PKD1: variants seen among roughly 807,000 people sequenced by gnomAD.
PKD1 encodes polycystin 1, transient receptor potential channel interacting, also known as polycystin-1.
A neutral mutation model predicts 361.7 loss-of-function variants in PKD1; 81 were observed. The ratio of observed to expected loss-of-function variants is 0.22; its 90% CI spans 0.19 to 0.27. The LOEUF is 0.27. Ranked by LOEUF, PKD1 falls within the 10% of genes least tolerant of loss-of-function variation. The probability of loss-of-function intolerance (pLI) is 1.00; values close to 1 mark genes in which losing one functional copy is unlikely to be tolerated. For missense variants in PKD1, 6,399 were observed against 6,118.3 expected (o/e 1.05, Z -1.53); for synonymous variants, 3,615 against 2,818.3 (o/e 1.28, Z -8.95).
intron 16 of PKD1, chr16:2,107,613 G>A (rs1186149999): frequency 3.6e-6 from 2 of 551,180 alleles, no homozygotes; most frequent in Non-Finnish European, 6.6e-6. Context: ...CCTCTGGGGT[G>A]GGAAGGGGCT....
At chr16:2,105,184 G>C in intron 21 of PKD1, 138 bp downstream of exon 21, 1 of 847,140 alleles carries the variant, frequency 1.2e-6, no homozygotes, top group Non-Finnish European at 1.9e-6. Context: ...GCAGGTCAGA[G>C]ACCGAGGAAC....
Position 2,114,729 on chromosome 16 carries a change from G to T in PKD1, c.2294C>A (p.Pro765His), listed in dbSNP as rs1296480104. ...PAQLEGTWAC[P>H]ACALRLLAAT... ...TGCAAGCAGCCGCAGGGCACAGGCA[G>T]GGCAGGCCCAAGTGCCCTCCAGCTG... Residue 765 changes from proline (P) to histidine (H), a missense_variant, in exon 11 of 46, where the codon CCT (proline) becomes CAT (histidine). By Grantham distance (77) the Pro-to-His change is moderately conservative. Coordinates refer to ENST00000262304, the MANE Select transcript of PKD1 (RefSeq NM_001009944.3). 4 of 1,529,982 alleles carry T rather than the reference G, an allele frequency of 2.6e-6. No individual in the cohort carries two copies. Among genetic ancestry groups the T allele is most frequent in the Non-Finnish European group, 3.5e-6 (4 of 1,143,494 alleles). The allele number at this position is 1,529,982 out of a possible 1,614,324, so 94.8% of individuals were successfully genotyped here. A position where few individuals can be genotyped will look rare whatever the true frequency, so the allele number is the denominator to read the frequency against.
chr16:2,103,533 A>G lies in PKD1; in HGVS notation c.8524T>C (p.Tyr2842His). 6.2e-7 allele frequency: 1 copy of G among 1,608,224 alleles called. No homozygotes were observed. The highest frequency in any genetic ancestry group is 8.5e-7 in the Non-Finnish European group (1 of 1,179,710). ...GAGGCCACCTTGGTGGAGACGGTGTAGTTGCTGATATAGCCAAAGGGAAAG... is the reference window on the plus strand; with the variant it reads ...GAGGCCACCTTGGTGGAGACGGTGTGGTTGCTGATATAGCCAAAGGGAAAG... ...NPFPFGYISN[Y>H]TVSTKVASMA... Residue 2842 changes from tyrosine (Y) to histidine (H), a missense_variant, in exon 23 of 46, where the codon TAC becomes CAC. By Grantham distance (83) the Tyr-to-His change is moderately conservative. Coordinates refer to ENST00000262304, the MANE Select transcript of PKD1 (RefSeq NM_001009944.3).
chr16:2,104,648 T>C lies in PKD1; in HGVS notation c.8017-6A>G, dbSNP rs1191088575. 3 of 1,486,412 alleles carry C rather than the reference T, an allele frequency of 2.0e-6. No individual in the cohort carries two copies. The highest frequency in any genetic ancestry group is 2.8e-6 in the Non-Finnish European group (3 of 1,088,646). The allele number at this position is 1,486,412 out of a possible 1,614,324, so 92.1% of individuals were successfully genotyped here. On this transcript the variant is annotated splice_polypyrimidine_tract_variant and splice_region_variant and intron_variant, in intron 21 of 45. Coordinates refer to ENST00000262304, the MANE Select transcript of PKD1 (RefSeq NM_001009944.3). ...ACGAGCTCCCTGCTGGGCCCCTGTG[T>C]GGAGCCAGCAGTGTCCAGCCCCGCT...
Position 2,090,299 on chromosome 16 carries a change from T to G in PKD1, c.12430A>C (p.Ser4144Arg). 4 of 1,610,528 alleles carry G rather than the reference T, an allele frequency of 2.5e-6. No homozygotes were observed. Among genetic ancestry groups the G allele is most frequent in the Non-Finnish European group, 3.4e-6 (4 of 1,178,476 alleles). Residue 4144 changes from serine to arginine, a missense_variant, in exon 45 of 46, where the codon AGC becomes CGC. Transcript: ENST00000262304. Reference protein sequence around the residue: ...LRRLRLWMGLSKVKEFRHKVR... With the variant: ...LRRLRLWMGLRKVKEFRHKVR... Reference sequence around the variant, plus strand: ...GCCGTACCCACCTCCTTGACCTTGCTGAGGCCCATCCAGAGGCGCAGCCTG... The same window carrying G: ...GCCGTACCCACCTCCTTGACCTTGCGGAGGCCCATCCAGAGGCGCAGCCTG...
At position 2,111,124 on chromosome 16, in the gene PKD1, T is replaced by C. The variant is rs763466992; in HGVS notation, c.4043A>G (p.Asn1348Ser). The C allele has an allele frequency of 2.0e-5, 33 of 1,610,748 alleles. No homozygotes were observed. The highest frequency in any genetic ancestry group is 5.0e-5 in the Admixed American group (3 of 59,980). Residue 1348 changes from asparagine to serine, a missense_variant, in exon 15 of 46, where the codon AAC becomes AGC. Asn to Ser is a conservative substitution (Grantham distance 46). Coordinates refer to ENST00000262304, the MANE Select transcript of PKD1 (RefSeq NM_001009944.3). The part of the protein sequence containing the change: ...TVRGCPTVTH[N>S]FTRSGTFPLA... ...GGGGAACGTGCCGCTCCGCGTGAAG[T>C]TGTGTGTCACCGTCGGGCACCCCCG... is the stretch of plus-strand genomic sequence containing the variant.
Position 2,092,091 on chromosome 16 carries a change from G to A in PKD1, c.11367C>T (p.His3789=), listed in dbSNP as rs1397829455. The change falls in exon 40 of 46, where the codon CAC becomes CAT. Residue 3789 remains histidine, a synonymous_variant. Coordinates refer to ENST00000262304, the MANE Select transcript of PKD1 (RefSeq NM_001009944.3). The part of the protein sequence containing the change: ...SDYDVGWESP[H]NGSGTWAYSA... ...AATAGGCCCACGTCCCCGAGCCATT[G>A]TGAGGACTCTCCCAGCCAACGTCGT... 3 of 1,612,758 alleles carry A rather than the reference G, an allele frequency of 1.9e-6. No individual in the cohort carries two copies. Among genetic ancestry groups the A allele is most frequent in the East Asian group, 2.2e-5 (1 of 44,894 alleles).
rs1471045652 is a variant in PKD1, at chr16:2,107,895, G to T, written c.7053C>A (p.Ala2351=). 2 of 1,544,460 alleles carry T rather than the reference G, an allele frequency of 1.3e-6. No individual in the cohort carries two copies. The highest frequency in any genetic ancestry group is 1.4e-5 in the African/African-American group (1 of 72,968). The change falls in exon 16 of 46, where the codon GCC becomes GCA. Residue 2351 remains alanine, a synonymous_variant. Coordinates refer to ENST00000262304, the MANE Select transcript of PKD1 (RefSeq NM_001009944.3). ...GGGCGGCACCCACCGTCTGGTTGGT[G>T]GCCTCCTCCTTGCGGCCGGCCTTCC... ...TVWKAGRKEE[A]TNQTVLIRSG...
chr16:2,097,094 G>C, intron 34 of PKD1, 54 bp downstream of exon 34: 1 of 1,342,450 alleles, frequency 7.4e-7, no homozygotes, highest in Admixed American at 2.0e-5. Context: ...TGCCTGGCCT[G>C]AGTCCCGGCC....
At position 2,110,041 on chromosome 16, in the gene PKD1, T is replaced by C; in HGVS notation, c.5126A>G (p.Asp1709Gly). Residue 1709 changes from aspartate (D) to glycine (G), a missense_variant, in exon 15 of 46, where the codon GAC becomes GGC. Transcript: ENST00000262304. ...AGGCTCCACGAAGTCCATGGTGCAGTCGGCCCAGGCGCTGCCCAGCATGTT... is the reference window on the plus strand; with the variant it reads ...AGGCTCCACGAAGTCCATGGTGCAGCCGGCCCAGGCGCTGCCCAGCATGTT... ...ATNMLGSAWADCTMDFVEPVG... is the reference protein window; with the variant it reads ...ATNMLGSAWAGCTMDFVEPVG... 1 of 1,610,434 alleles carries C rather than the reference T, an allele frequency of 6.2e-7. No individual in the cohort carries two copies. The highest frequency in any genetic ancestry group is 1.1e-5 in the South Asian group (1 of 90,946).
chr16:2,090,106 G>T lies in PKD1; in HGVS notation c.12533C>A (p.Pro4178His), dbSNP rs764283057. 2 of 1,604,432 alleles carry T rather than the reference G, an allele frequency of 1.2e-6. No individual in the cohort carries two copies. The highest frequency in any genetic ancestry group is 1.1e-5 in the South Asian group (1 of 90,692). Reference protein sequence around the residue: ...GSKVSPDVPPPSAGSDASHPS... With the variant: ...GSKVSPDVPPHSAGSDASHPS... ...GTGCGAGGCATCGGAGCCAGCGCTGGGTGGGGGCACATCCGGGGATACCTT... is the reference window on the plus strand; with the variant it reads ...GTGCGAGGCATCGGAGCCAGCGCTGTGTGGGGGCACATCCGGGGATACCTT... Residue 4178 changes from proline (P) to histidine (H), a missense_variant, in exon 46 of 46, where the codon CCC becomes CAC. Coordinates refer to ENST00000262304, the MANE Select transcript of PKD1 (RefSeq NM_001009944.3).
At chr16:2,098,881 A>AGTGCAGT (rs1284994433) in intron 30 of PKD1, 1 of 121,414 alleles carries the variant, frequency 8.2e-6, no homozygotes, top group African/African-American at 3.8e-5. Context: ...CCCAGGATGG[A>AGTGCAGT]GTGCAGTGGC....
At chr16:2,095,915 T>C (rs1369784531) in intron 34 of PKD1, among the ~76,000 whole-genome samples, 1 of 126,352 alleles carries the variant, frequency 7.9e-6, no homozygotes, top group Non-Finnish European at 1.7e-5. Flanking sequence ...CCATACTCTG[T>C]ATTTTTAAAA....
Position 2,103,403 on chromosome 16 carries a change from C to A in PKD1, c.8654G>T (p.Arg2885Leu). The change falls in exon 23 of 46, where the codon CGG becomes CTG. Residue 2885 changes from arginine (R) to leucine (L), a missense_variant. Arg to Leu is a moderately radical substitution (Grantham distance 102). Coordinates refer to ENST00000262304, the MANE Select transcript of PKD1 (RefSeq NM_001009944.3). The stretch of plus-strand genomic sequence containing the variant: ...GGAGTTGGCGGAGCTGCGGTGGCCC[C>A]GGGCAGCCCAGTCCGAGTTGTTGGG... ...KVPNNSDWAA[R>L]GHRSSANSAN... is the part of the protein sequence containing the mutation. The A allele has an allele frequency of 1.3e-6, 2 of 1,599,772 alleles. No homozygotes were observed. The highest frequency in any genetic ancestry group is 1.7e-6 in the Non-Finnish European group (2 of 1,179,628).
At chr16:2,123,112 A>T (rs2092748221) in intron 1 of PKD1, among the ~76,000 whole-genome samples, 1 of 152,016 alleles carries the variant, frequency 6.6e-6, no homozygotes, top group African/African-American at 2.4e-5. Flanking sequence ...TGCCATGGAC[A>T]CTTCTTCCAC....
chr16:2,125,554 C>T (rs886248801), intron 1 of PKD1, among the ~76,000 whole-genome samples: 2 of 152,190 alleles, frequency 1.3e-5, no homozygotes, highest in African/African-American at 4.8e-5. Context: ...GGGATGGAGA[C>T]TCCGGCCTCG....
rs1169417989 is a variant in PKD1, at chr16:2,110,654, C to T, written c.4513G>A (p.Gly1505Ser). ...PASYLWDLGD[G>S]GWLEGPEVTH... is the part of the protein sequence containing the mutation. ...ACCTCCGGACCCTCGAGCCACCCAC[C>T]GTCCCCCAGATCCCACAGGTAGCTG... Residue 1505 changes from glycine (G) to serine (S), a missense_variant, in exon 15 of 46, where the codon GGT becomes AGT. Gly to Ser is a moderately conservative substitution (Grantham distance 56). Transcript: ENST00000262304. 6.8e-6 allele frequency: 11 copies of T among 1,609,960 alleles called. No homozygotes were observed. In the Admixed American group the frequency reaches 1.2e-4, roughly 17 times the overall value.
At chr16:2,132,319 C>T (rs1256495635) in intron 1 of PKD1, among the ~76,000 whole-genome samples, 1 of 151,444 alleles carries the variant, frequency 6.6e-6, no homozygotes, top group Non-Finnish European at 1.5e-5. Flanking sequence ...CCTGTAATCC[C>T]AGCACTTTGG....
In PKD1 at chr16:2,091,923, G is replaced by GCGTGGGTGC; in HGVS notation, c.11412-26_11412-18dup. On this transcript the variant is annotated splice_polypyrimidine_tract_variant and intron_variant, in intron 40 of 45. Transcript: ENST00000262304. ...GACCATGCCCTGCCGGAGAGGGGTGGCGTGGGTGCCGCACCCCAGCCCTTC... is the reference window on the plus strand; with the variant it reads ...GACCATGCCCTGCCGGAGAGGGGTGGCGTGGGTGCCGTGGGTGCCGCACCCCAGCCCTTC... The GCGTGGGTGC allele has an allele frequency of 6.2e-7, 1 of 1,611,556 alleles. No homozygotes were observed. The highest frequency in any genetic ancestry group is 8.5e-7 in the Non-Finnish European group (1 of 1,179,634).
Sources: gnomAD v4.1 joint callset for allele counts (sites outside exome capture counted in the v4.1 genomes callset) on GRCh38, gnomAD v4.1.1 for gene constraint, MANE v1.5 for transcripts, NCBI Gene and HGNC (gene_info 2026-07-23, HGNC 2026-07-21) for gene names.